Variants in KDM4D observed in about 807,000 individuals in gnomAD.
KDM4D encodes lysine demethylase 4D, also known as lysine-specific demethylase 4D.
For missense variants in KDM4D, 427 were observed against 674.8 expected (o/e 0.63, Z 4.07); for synonymous variants, 254 against 249.1 (o/e 1.02, Z -0.19).
intron 2 of KDM4D, among the ~76,000 whole-genome samples, chr11:94,984,815 C>T (rs1320310378): frequency 6.6e-6 from 1 of 151,604 alleles, no homozygotes; most frequent in Non-Finnish European, 1.5e-5. Flanking sequence ...TGCAGTGATC[C>T]GAGATCGTGC....
intron 2 of KDM4D, among the ~76,000 whole-genome samples, chr11:94,992,035 C>T (rs1360883563): frequency 2.0e-5 from 3 of 151,866 alleles, no homozygotes; most frequent in African/African-American, 7.3e-5. Context: ...TAATAACCCC[C>T]CCTCTCCGAA....
In KDM4D at chr11:94,998,288, A is replaced by G; in HGVS notation, c.916A>G (p.Met306Val). The G allele has an allele frequency of 1.2e-6, 2 of 1,614,228 alleles. No individual in the cohort carries two copies. The highest frequency in any genetic ancestry group is 1.1e-5 in the South Asian group (1 of 91,088). ...ATPRWIDYGK[M>V]ASQCSCGEAR... ...TCCGCGATGGATTGATTATGGCAAA[A>G]TGGCCTCCCAGTGTAGCTGTGGGGA... Residue 306 changes from methionine to valine, a missense_variant, in exon 3 of 3, where the codon ATG (methionine) becomes GTG (valine). Met to Val is a conservative substitution (Grantham distance 21, BLOSUM62 1). Coordinates refer to ENST00000335080, the MANE Select transcript of KDM4D (RefSeq NM_018039.3). The surrounding 1 kb of genome is among the most constrained non-coding windows in gnomAD (Gnocchi z 6.7).
At chr11:94,989,521 T>C (rs587727906) in intron 2 of KDM4D, among the ~76,000 whole-genome samples, 1 of 152,298 alleles carries the variant, frequency 6.6e-6, no homozygotes, top group East Asian at 1.9e-4. Flanking sequence ...AATGAAATAA[T>C]AATGCTGCAC....
At chr11:94,996,195 G>A (rs1166998270) in intron 2 of KDM4D, among the ~76,000 whole-genome samples, 3 of 151,490 alleles carry the variant, frequency 2.0e-5, no homozygotes, top group South Asian at 2.1e-4. Flanking sequence ...TGTCTTTAAC[G>A]CTTTTCCTCC....
intron 2 of KDM4D, among the ~76,000 whole-genome samples, chr11:94,976,635 A>C (rs1857799749): frequency 6.6e-6 from 1 of 152,206 alleles, no homozygotes; most frequent in African/African-American, 2.4e-5. Context: ...ATGGTATAGT[A>C]TATCTTAACC....
intron 1 of KDM4D, among the ~76,000 whole-genome samples, chr11:94,975,159 C>T (rs1555096843): frequency 6.6e-6 from 1 of 152,156 alleles, no homozygotes; most frequent in African/African-American, 2.4e-5. Flanking sequence ...TCTCTGTTGC[C>T]TGTGCCCCAA....
rs1479272778 is a variant in KDM4D at position 94,997,099 on chromosome 11, TAAG to T, written c.-269_-267del. The T allele has an allele frequency of 1.4e-5, 4 of 287,796 alleles. No individual in the cohort carries two copies. Among genetic ancestry groups the T allele is most frequent in the Non-Finnish European group, 2.6e-5 (4 of 156,634 alleles). The allele number at this position is 287,796 out of a possible 1,614,324, so 17.8% of individuals were successfully genotyped here. ...CCAGGTCTGAGTAATTCAATAGACT[TAAG>T]AAGACAGAGCCCAGCAGCAACCGAA... On this transcript the variant is annotated 5_prime_UTR_variant, in exon 3 of 3. Coordinates refer to ENST00000335080, the MANE Select transcript of KDM4D (RefSeq NM_018039.3).
At chr11:94,992,231 A>C (rs1555098769) in intron 2 of KDM4D, among the ~76,000 whole-genome samples, 2 of 151,942 alleles carry the variant, frequency 1.3e-5, no homozygotes, top group African/African-American at 4.8e-5. Flanking sequence ...ATTTTTGTTA[A>C]ATAAATTTAA....
chr11:94,986,787 T>C (rs1857891759), intron 2 of KDM4D, among the ~76,000 whole-genome samples: 1 of 152,176 alleles, frequency 6.6e-6, no homozygotes, highest in Non-Finnish European at 1.5e-5. Context: ...CATGGAGTTA[T>C]CACATGGCTC....
At chr11:94,987,392 A>G (rs1272042259) in intron 2 of KDM4D, among the ~76,000 whole-genome samples, 1 of 152,226 alleles carries the variant, frequency 6.6e-6, no homozygotes, top group African/African-American at 2.4e-5. Flanking sequence ...GCTGGTTGGA[A>G]TGCAGGTTTT....
chr11:94,981,508 G>A (rs955754523), intron 2 of KDM4D, among the ~76,000 whole-genome samples: 19 of 151,930 alleles, frequency 1.3e-4, no homozygotes, highest in Non-Finnish European at 2.5e-4. Context: ...TACCTACTGC[G>A]TCAGTGTCCT....
intron 2 of KDM4D, among the ~76,000 whole-genome samples, chr11:94,991,446 A>G (rs1857933767): frequency 6.6e-6 from 1 of 152,158 alleles, no homozygotes; most frequent in African/African-American, 2.4e-5. Context: ...AATTTCAAAA[A>G]CCATTGAGAT....
intron 2 of KDM4D, among the ~76,000 whole-genome samples, chr11:94,977,561 T>C (rs1555097120): frequency 2.6e-5 from 4 of 152,140 alleles, no homozygotes; most frequent in Non-Finnish European, 5.9e-5. Context: ...CCAACGAACC[T>C]TGGGCATCTC....
chr11:94,994,819 G>GGA (rs1555099047), intron 2 of KDM4D, among the ~76,000 whole-genome samples: 1 of 151,792 alleles, frequency 6.6e-6, no homozygotes, highest in African/African-American at 2.4e-5. Flanking sequence ...CTGAGAGGAG[G>GGA]GAGAGAGGGA....
chr11:94,985,368 TCAAAATGCTTAGGAATAAATTTAA>T (rs1857876726), intron 2 of KDM4D, among the ~76,000 whole-genome samples: 1 of 152,118 alleles, frequency 6.6e-6, no homozygotes, highest in South Asian at 2.1e-4. Context: ...GTCAAAAAGA[TCAAAATGCTTAGGAATAAATTTAA>T]CAAAAGAAGT....
chr11:94,987,569 T>C (rs1857898876), intron 2 of KDM4D, among the ~76,000 whole-genome samples: 2 of 152,200 alleles, frequency 1.3e-5, no homozygotes. Flanking sequence ...CTCTCAGTGA[T>C]GCCTACCAGT....
chr11:94,976,595 C>G (rs1404524190), intron 2 of KDM4D, among the ~76,000 whole-genome samples: 1 of 152,154 alleles, frequency 6.6e-6, no homozygotes, highest in African/African-American at 2.4e-5. Context: ...GAGGCCATCC[C>G]TTTCAGATCA....
chr11:94,976,351 T>C (rs1555096981), intron 2 of KDM4D, among the ~76,000 whole-genome samples: 1 of 152,212 alleles, frequency 6.6e-6, no homozygotes, highest in African/African-American at 2.4e-5. Flanking sequence ...TTCTCTTTCC[T>C]GGCAGTAGAT....
intron 2 of KDM4D, among the ~76,000 whole-genome samples, chr11:94,990,684 G>GTT (rs1857927518): frequency 6.6e-6 from 1 of 152,204 alleles, no homozygotes; most frequent in South Asian, 2.1e-4. Flanking sequence ...AGATGGACAA[G>GTT]TGTAAACTGA....
Sources: allele counts gnomAD v4.1 joint callset (sites outside exome capture counted in the v4.1 genomes callset), GRCh38; gene constraint gnomAD v4.1.1; non-coding constraint Gnocchi (gnomAD v3.1); transcripts MANE v1.5; gene names NCBI Gene and HGNC (gene_info 2026-07-23, HGNC 2026-07-21).